Variants in CTNNA2 observed in about 807,000 individuals in gnomAD.
CTNNA2 encodes catenin alpha 2.
Under a neutral mutation model 101.0 loss-of-function variants are expected in CTNNA2, and 42 were observed. The observed-to-expected ratio is 0.42, with a 90% CI of 0.32 to 0.54. The LOEUF is 0.54. CTNNA2 is among the 20% of genes least tolerant of loss of function. The pLI, the probability that CTNNA2 is intolerant of heterozygous loss-of-function variation, is 0.14. For synonymous variants in CTNNA2, 450 were observed against 456.4 expected, an observed-to-expected ratio of 0.99 and a Z score of 0.18; for missense variants, 871 against 1,223.1, an observed-to-expected ratio of 0.71 and a Z score of 4.29.
intron 12 of CTNNA2, among the ~76,000 whole-genome samples, chr2:80,558,732 G>C (rs760122817): frequency 7.9e-5 from 12 of 152,174 alleles, no homozygotes; most frequent in Non-Finnish European, 1.6e-4. Flanking sequence ...GAGGGTGGTA[G>C]TGGGAAAAAA....
At chr2:79,837,484 A>T (rs920770847) in intron 3 of CTNNA2, among the ~76,000 whole-genome samples, 5 of 152,158 alleles carry the variant, frequency 3.3e-5, no homozygotes, top group Non-Finnish European at 1.5e-5. Context: ...GTATCCTTCA[A>T]TCCAATCAAG....
intron 1 of CTNNA2, among the ~76,000 whole-genome samples, chr2:79,594,139 C>T (rs112442749): frequency 0.024 from 3,657 of 152,062 alleles, 148 homozygotes; most frequent in African/African-American, 0.082. Flanking sequence ...TCCACCACCT[C>T]GGCCTCCCAA....
intron 12 of CTNNA2, among the ~76,000 whole-genome samples, chr2:80,567,890 TTTATG>T (rs1239683250): frequency 6.6e-6 from 1 of 152,082 alleles, no homozygotes; most frequent in African/African-American, 2.4e-5. Context: ...TTTTTTTTAT[TTTATG>T]TTAACAGTTA....
At chr2:80,188,874 G>A (rs1463247574) in intron 7 of CTNNA2, among the ~76,000 whole-genome samples, 1 of 152,014 alleles carries the variant, frequency 6.6e-6, no homozygotes, top group Non-Finnish European at 1.5e-5. Context: ...ATATCTTTGG[G>A]GGAGTGCCTA....
intron 3 of CTNNA2, chr2:79,320,143 A>C (rs1676585032): frequency 6.6e-6 from 1 of 152,168 alleles, no homozygotes; most frequent in Non-Finnish European, 1.5e-5. Context: ...ACAACAGCAG[A>C]GACCAGGCAG....
intron 4 of CTNNA2, among the ~76,000 whole-genome samples, chr2:79,451,905 A>G (rs1013660717): frequency 5.3e-5 from 8 of 152,022 alleles, no homozygotes; most frequent in African/African-American, 1.9e-4. Context: ...TAGCACAACT[A>G]TTTTTCAATG....
At chr2:80,041,967 T>G (rs1417875040) in intron 7 of CTNNA2, among the ~76,000 whole-genome samples, 1 of 152,028 alleles carries the variant, frequency 6.6e-6, no homozygotes, top group Non-Finnish European at 1.5e-5. Context: ...TTTTTGTTGG[T>G]TTTGTTTTGT....
At chr2:80,485,516 T>A (rs1232531812) in intron 9 of CTNNA2, among the ~76,000 whole-genome samples, 1 of 152,194 alleles carries the variant, frequency 6.6e-6, no homozygotes, top group African/African-American at 2.4e-5. Context: ...GAATAATGAA[T>A]GAAAAGGTCA....
chr2:80,500,583 G>A (rs1392157724), intron 9 of CTNNA2, among the ~76,000 whole-genome samples: 2 of 152,184 alleles, frequency 1.3e-5, no homozygotes, highest in Non-Finnish European at 2.9e-5. Flanking sequence ...ATTATCTGTC[G>A]TTCAGAGATT....
At chr2:79,949,237 A>AC (rs1344618675) in intron 7 of CTNNA2, among the ~76,000 whole-genome samples, 7 of 152,016 alleles carry the variant, frequency 4.6e-5, no homozygotes, top group African/African-American at 9.7e-5. Flanking sequence ...GTATGTTATG[A>AC]CCCCCAAGGC....
At chr2:79,698,326 A>AT (rs1684774747) in intron 2 of CTNNA2, among the ~76,000 whole-genome samples, 1 of 152,054 alleles carries the variant, frequency 6.6e-6, no homozygotes, top group Non-Finnish European at 1.5e-5. Context: ...CTATATTTAG[A>AT]CAGTAAATTG....
chr2:79,532,722 T>G (rs1315755037), intron 1 of CTNNA2, among the ~76,000 whole-genome samples: 2 of 152,158 alleles, frequency 1.3e-5, no homozygotes, highest in African/African-American at 2.4e-5. Context: ...TCTCTGTCTC[T>G]GTCTTTCTGT....
intron 2 of CTNNA2, among the ~76,000 whole-genome samples, chr2:79,235,482 C>G (rs1324349974): frequency 6.6e-6 from 1 of 152,048 alleles, no homozygotes; most frequent in Non-Finnish European, 1.5e-5. Flanking sequence ...GTTGCCCCTT[C>G]TGACCGCTGA....
At chr2:79,696,937 A>G (rs1007917498) in intron 2 of CTNNA2, among the ~76,000 whole-genome samples, 2 of 151,998 alleles carry the variant, frequency 1.3e-5, no homozygotes, top group African/African-American at 2.4e-5. Flanking sequence ...TTTAATTGCT[A>G]TCTCTTCTAA....
At chr2:79,344,882 T>A (rs933140032) in intron 3 of CTNNA2, among the ~76,000 whole-genome samples, 16 of 146,118 alleles carry the variant, frequency 1.1e-4, no homozygotes, top group African/African-American at 4.0e-4. Context: ...ATATATATAA[T>A]ATATATATAA....
At chr2:79,801,992 CAA>C (rs57124311) in intron 3 of CTNNA2, among the ~76,000 whole-genome samples, 3,274 of 63,790 alleles carry the variant, frequency 0.051, 62 homozygotes, top group African/African-American at 0.14. Context: ...AACTCTGTCT[CAA>C]AAAAAAAAAA....
intron 7 of CTNNA2, among the ~76,000 whole-genome samples, chr2:80,071,937 C>T (rs955068052): frequency 2.0e-5 from 3 of 152,078 alleles, no homozygotes; most frequent in Admixed American, 6.6e-5. Flanking sequence ...TGGAAGAGAA[C>T]AAGAGGGAGG....
At chr2:79,843,535 T>C (rs1679983628) in intron 3 of CTNNA2, among the ~76,000 whole-genome samples, 1 of 152,238 alleles carries the variant, frequency 6.6e-6, no homozygotes, top group Non-Finnish European at 1.5e-5. Context: ...TTCACGGCCC[T>C]AAATACTGCC....
chr2:79,289,445 G>A (rs185100869), intron 2 of CTNNA2, among the ~76,000 whole-genome samples: 1 of 151,976 alleles, frequency 6.6e-6, no homozygotes, highest in Non-Finnish European at 1.5e-5. Context: ...CGAGTGGTGG[G>A]CTAATGAGTC....
Sources: gnomAD v4.1 joint callset for allele counts (sites outside exome capture counted in the v4.1 genomes callset) on GRCh38, gnomAD v4.1.1 for gene constraint, MANE v1.5 for transcripts, NCBI Gene and HGNC (gene_info 2026-07-23, HGNC 2026-07-21) for gene names.